LACTB2: variants seen among roughly 807,000 people sequenced by gnomAD.
LACTB2 encodes the protein lactamase beta 2, also known as endoribonuclease LACTB2.
A neutral mutation model predicts 34.8 loss-of-function variants in LACTB2; 32 were observed. The ratio of observed to expected loss-of-function variants is 0.92; its 90% CI spans 0.69 to 1.24. The LOEUF (loss-of-function observed/expected upper bound fraction) is 1.24, where lower values mean the gene tolerates loss of function less well. Ranked by LOEUF, LACTB2 falls within the 50% of genes most tolerant of loss-of-function variation. LACTB2 has a pLI of 0.00. For missense variants in LACTB2, 320 were observed against 345.0 expected (o/e 0.93, Z 0.57); for synonymous variants, 120 against 117.5 (o/e 1.02, Z -0.14).
At chr8:70,654,626 T>A (rs1162954111) in intron 3 of LACTB2, 1 of 152,154 alleles carries the variant, frequency 6.6e-6, no homozygotes, top group Non-Finnish European at 1.5e-5. Context: ...AGTGGCTATT[T>A]ACAGGCTCCA....
chr8:70,655,172 A>G (rs1818394327), intron 3 of LACTB2, among the ~76,000 whole-genome samples: 1 of 151,608 alleles, frequency 6.6e-6, no homozygotes, highest in African/African-American at 2.4e-5. Flanking sequence ...TTAGAATAAT[A>G]GTCTCCAATC....
At chr8:70,651,552 T>G (rs1818343864) in intron 3 of LACTB2, among the ~76,000 whole-genome samples, 1 of 152,134 alleles carries the variant, frequency 6.6e-6, no homozygotes, top group South Asian at 2.1e-4. Context: ...AAAAACTCAC[T>G]TGTAGAACCA....
chr8:70,653,338 G>A (rs559316030), intron 3 of LACTB2, among the ~76,000 whole-genome samples: 4 of 152,088 alleles, frequency 2.6e-5, no homozygotes, highest in East Asian at 1.9e-4. Flanking sequence ...GTCTCAAACC[G>A]CCTGCCTTGG....
intron 2 of LACTB2, among the ~76,000 whole-genome samples, chr8:70,659,131 GT>G (rs1818450863): frequency 6.6e-6 from 1 of 152,228 alleles, no homozygotes; most frequent in Non-Finnish European, 1.5e-5. Flanking sequence ...TGGAGATAAA[GT>G]TGGATAGGTA....
intron 2 of LACTB2, among the ~76,000 whole-genome samples, chr8:70,658,102 T>G (rs1818434929): frequency 6.6e-6 from 1 of 152,192 alleles, no homozygotes; most frequent in South Asian, 2.1e-4. Flanking sequence ...CCTCTAGGTC[T>G]ACATGAAAGC....
intron 1 of LACTB2, 48 bp downstream of exon 1, chr8:70,668,951 C>A (rs777193899): frequency 6.4e-7 from 1 of 1,551,678 alleles, no homozygotes; most frequent in South Asian, 1.2e-5. Flanking sequence ...AAAGCCCGGG[C>A]TCCGGGGCCG....
chr8:70,637,309 C>G lies in LACTB2; in HGVS notation c.*551G>C, dbSNP rs1563401023. ...TAATATTTTTCAATCACCAAAAATT[C>G]ATTTGCATGAATCATTTGTGGTATA... On this transcript the variant is annotated 3_prime_UTR_variant, in exon 7 of 7. Coordinates refer to ENST00000276590, the MANE Select transcript of LACTB2 (RefSeq NM_016027.3). 6.6e-6 allele frequency: 1 copy of G among 152,054 alleles called. No individual in the cohort carries two copies. Among genetic ancestry groups the G allele is most frequent in the Non-Finnish European group, 1.5e-5 (1 of 67,992 alleles). The allele number at this position is 152,054 out of a possible 1,614,324, so 9.4% of individuals were successfully genotyped here. A position where few individuals can be genotyped will look rare whatever the true frequency, so the allele number is the denominator to read the frequency against.
chr8:70,653,979 T>C (rs1216059606), intron 3 of LACTB2: 1 of 152,232 alleles, frequency 6.6e-6, no homozygotes, highest in African/African-American at 2.4e-5. Context: ...ATTTCCTATT[T>C]GAGCCGTTAA....
chr8:70,650,735 C>CAAAAAAAAAAAAAAAAAAAAAAA (rs61025700), intron 3 of LACTB2, among the ~76,000 whole-genome samples: 11 of 46,210 alleles, frequency 2.4e-4, no homozygotes, highest in Admixed American at 7.1e-4. Context: ...GACTCCATCT[C>CAAAAAAAAAAAAAAAAAAAAAAA]AAAAAAAAAA....
intron 5 of LACTB2, among the ~76,000 whole-genome samples, chr8:70,640,411 C>T (rs1818181329): frequency 6.6e-6 from 1 of 152,104 alleles, no homozygotes; most frequent in Non-Finnish European, 1.5e-5. Context: ...AAGGCTCTTT[C>T]CCTACATACT....
At chr8:70,638,431 T>TA in intron 6 of LACTB2, 117 bp downstream of exon 6, 2 of 1,149,280 alleles carry the variant, frequency 1.7e-6, no homozygotes, top group Non-Finnish European at 2.3e-6. Flanking sequence ...CTCTCCAACT[T>TA]AAAGTGATAT....
chr8:70,646,343 C>T (rs903757287), intron 3 of LACTB2: 4 of 151,854 alleles, frequency 2.6e-5, no homozygotes, highest in Non-Finnish European at 5.9e-5. Flanking sequence ...CAATGAACTC[C>T]AACAAATTTA....
intron 5 of LACTB2, among the ~76,000 whole-genome samples, chr8:70,638,919 T>C (rs112131562): frequency 0.058 from 8,831 of 151,836 alleles, 335 homozygotes; most frequent in Non-Finnish European, 0.078. Context: ...TTTGTACTTT[T>C]AGTAGAGACG....
intron 2 of LACTB2, among the ~76,000 whole-genome samples, chr8:70,658,852 C>T (rs1265458465): frequency 1.2e-4 from 18 of 152,110 alleles, no homozygotes; most frequent in Non-Finnish European, 2.1e-4. Flanking sequence ...TAGTGAAACC[C>T]CATCTCTACT....
rs72667708 is a variant in LACTB2, at chr8:70,661,081, G to A, written c.286+653C>T. 3,870 of 454,092 alleles carry A rather than the reference G, an allele frequency of 8.5e-3. 66 individuals carry two copies. Among genetic ancestry groups the A allele is most frequent in the South Asian group, 0.03 (1,936 of 63,984 alleles). 28.1% of individuals were successfully genotyped at this position (454,092 alleles called of 1,614,324 possible). ...AGGCATGAGCCACTGCACCCAGCCTGATCTATTATTTATTTACCAGTACCT... is the reference window on the plus strand; with the variant it reads ...AGGCATGAGCCACTGCACCCAGCCTAATCTATTATTTATTTACCAGTACCT... On this transcript the variant is annotated intron_variant, in intron 2 of 6. Transcript: ENST00000276590.
rs1052275099 is a variant in LACTB2 at position 70,637,316 on chromosome 8, A to G, written c.*544T>C. On this transcript the variant is annotated 3_prime_UTR_variant, in exon 7 of 7. Transcript: ENST00000276590. ...TTTCAATCACCAAAAATTCATTTGC[A>G]TGAATCATTTGTGGTATACCAGAAT... 5.9e-5 allele frequency: 9 copies of G among 152,228 alleles called. No individual in the cohort carries two copies. The highest frequency in any genetic ancestry group is 3.9e-4 in the Admixed American group (6 of 15,284). 9.4% of individuals were successfully genotyped at this position (152,228 alleles called of 1,614,324 possible).
At position 70,642,241 on chromosome 8, in the gene LACTB2, AAAAC is replaced by A. The variant is rs528117292; in HGVS notation, c.593-1195_593-1192del. Among the ~76,000 whole-genome samples, 390 of 152,280 alleles carry A rather than the reference AAAAC, an allele frequency of 2.6e-3. 2 individuals carry two copies. Among genetic ancestry groups the A allele is most frequent in the African/African-American group, 4.8e-3 (199 of 41,546 alleles). On this transcript the variant is annotated intron_variant, in intron 4 of 6. Transcript: ENST00000276590. ...TAGCTGTCTTTAGCAAAAACAAAGCAAAACAAACAAACAAACCCCCCCAAAGCTA... is the reference window on the plus strand; with the variant it reads ...TAGCTGTCTTTAGCAAAAACAAAGCAAAACAAACAAACCCCCCCAAAGCTA...
chr8:70,665,066 GT>G (rs980246383), intron 1 of LACTB2, among the ~76,000 whole-genome samples: 1 of 152,198 alleles, frequency 6.6e-6, no homozygotes, highest in African/African-American at 2.4e-5. Context: ...TGAAAAAAAT[GT>G]TATCAGTTTC....
At chr8:70,645,065 C>T (rs35707755) in intron 3 of LACTB2, among the ~76,000 whole-genome samples, 84,456 of 137,838 alleles carry the variant, frequency 0.61, 24,624 homozygotes, top group Middle Eastern at 0.66. Flanking sequence ...TATATATATA[C>T]ACACACACAC....
Sources: gnomAD v4.1 joint callset for allele counts (sites outside exome capture counted in the v4.1 genomes callset) on GRCh38, gnomAD v4.1.1 for gene constraint, MANE v1.5 for transcripts, NCBI Gene and HGNC (gene_info 2026-07-23, HGNC 2026-07-21) for gene names.